FOXN3: variants seen among roughly 807,000 people sequenced by gnomAD.
FOXN3 encodes the protein forkhead box N3.
A neutral mutation model predicts 38.4 loss-of-function variants in FOXN3; 7 were observed. That is an observed-to-expected ratio of 0.18 (90% CI 0.10 to 0.34). The LOEUF (loss-of-function observed/expected upper bound fraction) is 0.34. Among genes scored for constraint, FOXN3 ranks in the 10% least tolerant of loss-of-function variants. FOXN3 has a pLI of 1.00. For missense variants in FOXN3, 456 were observed against 613.4 expected (o/e 0.74, Z 2.71); for synonymous variants, 230 against 242.2 (o/e 0.95, Z 0.47).
At chr14:89,420,387 G>A (rs1431675712), upstream of FOXN3, among the ~76,000 whole-genome samples, 2 of 152,142 alleles carry the variant, frequency 1.3e-5, no homozygotes, top group Non-Finnish European at 2.9e-5. Flanking sequence ...TTTGGAAGTG[G>A]GATATCTAAT....
chr14:89,255,488 G>T (rs1885589727), intron 4 of FOXN3, among the ~76,000 whole-genome samples: 1 of 152,068 alleles, frequency 6.6e-6, no homozygotes, highest in African/African-American at 2.4e-5. Flanking sequence ...GAACAATTAA[G>T]AACAAAAAGT....
At chr14:89,505,720 C>G (rs1042704405) in intron 1 of FOXN3, among the ~76,000 whole-genome samples, 6 of 151,988 alleles carry the variant, frequency 3.9e-5, no homozygotes, top group Non-Finnish European at 8.8e-5. Context: ...TGAGGAGCGT[C>G]TCTGCCTGGC....
chr14:89,377,475 T>C (rs1482817731), intron 2 of FOXN3, among the ~76,000 whole-genome samples: 1 of 152,214 alleles, frequency 6.6e-6, no homozygotes, highest in Non-Finnish European at 1.5e-5. Flanking sequence ...CTGAGCTTCA[T>C]GCTGAAAAGT....
intron 5 of FOXN3, 87 bp downstream of exon 5, chr14:89,180,614 C>G (rs1459381116): frequency 6.4e-6 from 6 of 944,106 alleles, no homozygotes; most frequent in Non-Finnish European, 7.6e-6. Flanking sequence ...GAAGCAGCTC[C>G]TCTCTGTCTC....
intron 1 of FOXN3, among the ~76,000 whole-genome samples, chr14:89,585,474 G>T (rs570437893): frequency 2.0e-4 from 30 of 152,232 alleles, no homozygotes; most frequent in South Asian, 4.1e-4. Flanking sequence ...ATTCCCCCCA[G>T]ATCTTTGAGG....
chr14:89,242,275 G>C (rs1885163190), intron 4 of FOXN3, among the ~76,000 whole-genome samples: 1 of 151,372 alleles, frequency 6.6e-6, no homozygotes, highest in African/African-American at 2.4e-5. Flanking sequence ...GGGGTCCTGA[G>C]AGACCCACAG....
chr14:89,579,328 T>G (rs1165359431), intron 1 of FOXN3, among the ~76,000 whole-genome samples: 2 of 146,742 alleles, frequency 1.4e-5, no homozygotes, highest in East Asian at 2.0e-4. Flanking sequence ...TTTATTTATG[T>G]TTTTTTTTGT....
intron 3 of FOXN3, among the ~76,000 whole-genome samples, chr14:89,345,214 A>C (rs1436008530): frequency 6.6e-6 from 1 of 152,198 alleles, no homozygotes; most frequent in African/African-American, 2.4e-5. Flanking sequence ...GAATGAGGCA[A>C]AAGCAAGAGC....
intron 1 of FOXN3, among the ~76,000 whole-genome samples, chr14:89,483,161 C>T (rs986384172): frequency 6.6e-6 from 1 of 152,072 alleles, no homozygotes; most frequent in Non-Finnish European, 1.5e-5. Context: ...GACCCAAGAT[C>T]GCACCATTGC....
At chr14:89,449,226 C>G (rs550067170) in intron 1 of FOXN3, among the ~76,000 whole-genome samples, 1 of 152,216 alleles carries the variant, frequency 6.6e-6, no homozygotes, top group African/African-American at 2.4e-5. Flanking sequence ...CCAAACCTTC[C>G]CCATACCTAA....
chr14:89,516,358 G>A (rs1273875564), intron 1 of FOXN3, among the ~76,000 whole-genome samples: 1 of 152,090 alleles, frequency 6.6e-6, no homozygotes, highest in Non-Finnish European at 1.5e-5. Flanking sequence ...CATCTAAGGT[G>A]TAGAAGTAAG....
chr14:89,526,079 T>A (rs1894426885), intron 1 of FOXN3, among the ~76,000 whole-genome samples: 1 of 151,406 alleles, frequency 6.6e-6, no homozygotes, highest in Admixed American at 6.6e-5. Flanking sequence ...ACATCTATTC[T>A]TGGTAAAACC....
In FOXN3 at chr14:89,243,215, T is replaced by A. The variant is rs569484232; in HGVS notation, c.745+37735A>T. Among the ~76,000 whole-genome samples, 191 of 152,202 alleles carry A rather than the reference T, an allele frequency of 1.3e-3. 1 individual carries two copies. The highest frequency in any genetic ancestry group is 1.9e-3 in the African/African-American group (79 of 41,520). On this transcript the variant is annotated intron_variant, in intron 4 of 5. Coordinates refer to ENST00000557258, the MANE Select transcript of FOXN3 (RefSeq NM_005197.4). ...CATATCTAGAACATGTAAATTTTTT[T>A]AAAAAAAGCAAAGCCTACTTGCCAG... is the stretch of plus-strand genomic sequence containing the variant.
At position 89,505,268 on chromosome 14, in the gene FOXN3, C is replaced by CTCCCTT. The variant is rs376453160; in HGVS notation, c.-14-92779_-14-92778insAAGGGA. Among the ~76,000 whole-genome samples the CTCCCTT allele has an allele frequency of 6.6e-3, 1,001 of 151,344 alleles. 10 individuals carry two copies. The highest frequency in any genetic ancestry group is 0.023 in the African/African-American group (943 of 40,864). Reference sequence around the variant, plus strand: ...GTCCCCTCTCCCTCTCCCTCTCCCTCTCCTTCTCCCTCCCCCTCCCCCTCC... The same window carrying CTCCCTT: ...GTCCCCTCTCCCTCTCCCTCTCCCTCTCCCTTTCCTTCTCCCTCCCCCTCCCCCTCC... On this transcript the variant is annotated intron_variant, in intron 1 of 6. Transcript: ENST00000345097.
chr14:89,301,638 G>T (rs1887220496), intron 3 of FOXN3, among the ~76,000 whole-genome samples: 1 of 152,020 alleles, frequency 6.6e-6, no homozygotes, highest in African/African-American at 2.4e-5. Flanking sequence ...TGCAGTGGCA[G>T]GCTCCTGTAA....
chr14:89,242,568 A>G (rs1362502340), intron 4 of FOXN3, among the ~76,000 whole-genome samples: 5 of 152,202 alleles, frequency 3.3e-5, no homozygotes, highest in Non-Finnish European at 7.3e-5. Flanking sequence ...CGATACCACT[A>G]AAGTAAAATA....
intron 1 of FOXN3, among the ~76,000 whole-genome samples, chr14:89,478,782 A>G (rs1459802012): frequency 6.6e-6 from 1 of 151,902 alleles, no homozygotes; most frequent in South Asian, 2.1e-4. Flanking sequence ...AAATACAAAA[A>G]TTAGCTAGGC....
chr14:89,507,134 G>GAA (rs1196683152), intron 1 of FOXN3, among the ~76,000 whole-genome samples: 3 of 97,104 alleles, frequency 3.1e-5, no homozygotes, highest in Admixed American at 1.1e-4. Flanking sequence ...AAAAAAAAAA[G>GAA]AAAAAAAAAA....
chr14:89,600,384 C>T (rs990777295), intron 1 of FOXN3, among the ~76,000 whole-genome samples: 4 of 152,146 alleles, frequency 2.6e-5, no homozygotes, highest in African/African-American at 9.7e-5. Flanking sequence ...TTCAACACCA[C>T]ATTTCAAAAG....
Sources: allele counts gnomAD v4.1 joint callset (sites outside exome capture counted in the v4.1 genomes callset), GRCh38; gene constraint gnomAD v4.1.1; transcripts MANE v1.5; gene names NCBI Gene and HGNC (gene_info 2026-07-23, HGNC 2026-07-21).